The following STK4 variants were observed in gnomAD, a reference collection of about 807,000 sequenced individuals.
STK4 encodes the protein serine/threonine kinase 4, also known as serine/threonine-protein kinase 4.
STK4 carries 30 observed loss-of-function variants against 64.9 expected under a neutral mutation model. The observed-to-expected ratio is 0.46, with a 90% confidence interval of 0.35 to 0.63. The LOEUF (loss-of-function observed/expected upper bound fraction) is 0.63, where lower values mean the gene tolerates loss of function less well. Among genes scored for constraint, STK4 ranks in the 20% least tolerant of loss-of-function variants. The probability of loss-of-function intolerance (pLI) is 0.01; values close to 1 mark genes in which losing one functional copy is unlikely to be tolerated. For synonymous variants in STK4, 177 were observed against 199.0 expected (o/e 0.89, Z 0.93); for missense variants, 466 against 598.5 (o/e 0.78, Z 2.31).
intron 10 of STK4, among the ~76,000 whole-genome samples, chr20:45,072,422 T>C (rs1980148231): frequency 6.6e-6 from 1 of 152,248 alleles, no homozygotes; most frequent in Non-Finnish European, 1.5e-5. Flanking sequence ...CAGCTCCCCT[T>C]CTTTCACACT....
intron 9 of STK4, among the ~76,000 whole-genome samples, chr20:45,005,590 G>A (rs949665772): frequency 1.4e-5 from 2 of 146,296 alleles, no homozygotes; most frequent in Admixed American, 1.4e-4. Context: ...GGAGGTTGCA[G>A]TGAACCGAGA....
intron 10 of STK4, among the ~76,000 whole-genome samples, chr20:45,063,018 T>TTTTTTTTTTC (rs1979225525): frequency 8.4e-6 from 1 of 118,952 alleles, no homozygotes; most frequent in Non-Finnish European, 1.7e-5. Context: ...TTTTTTTTTT[T>TTTTTTTTTTC]TGGACACAGG....
intron 9 of STK4, among the ~76,000 whole-genome samples, chr20:45,012,242 G>C (rs929779679): frequency 2.0e-5 from 3 of 151,952 alleles, no homozygotes; most frequent in African/African-American, 7.3e-5. Context: ...CACTGTTTTG[G>C]CCAGGATGGT....
chr20:45,029,002 C>T (rs922382553), intron 10 of STK4, among the ~76,000 whole-genome samples: 3 of 152,166 alleles, frequency 2.0e-5, no homozygotes, highest in African/African-American at 7.2e-5. Flanking sequence ...AGACTTTCTT[C>T]TAAATCTGAG....
At chr20:45,071,397 A>G (rs926205408) in intron 10 of STK4, among the ~76,000 whole-genome samples, 3 of 152,200 alleles carry the variant, frequency 2.0e-5, no homozygotes, top group Admixed American at 6.5e-5. Flanking sequence ...GCGCCATGAA[A>G]CTATTGTCTG....
chr20:45,013,313 A>G (rs1407581438), intron 9 of STK4, among the ~76,000 whole-genome samples: 1 of 152,040 alleles, frequency 6.6e-6, no homozygotes, highest in Non-Finnish European at 1.5e-5. Flanking sequence ...AAATTCTTTA[A>G]TTAATGTTGT....
chr20:45,002,954 C>G (rs2067867693), intron 9 of STK4, among the ~76,000 whole-genome samples: 1 of 150,220 alleles, frequency 6.7e-6, no homozygotes, highest in African/African-American at 2.5e-5. Flanking sequence ...TGAATTAATT[C>G]AAAGTAAATC....
At position 45,001,190 on chromosome 20, in the gene STK4, C is replaced by A; in HGVS notation, c.984C>A (p.Gly328=). The A allele has an allele frequency of 1.2e-6, 2 of 1,612,834 alleles. No homozygotes were observed. The highest frequency in any genetic ancestry group is 4.5e-5 in the East Asian group (2 of 44,854). The part of the protein sequence containing the change: ...ENSEEDEMDS[G]TMVRAVGDEM... Reference sequence around the variant, plus strand: ...AGGAAGAGGATGAAATGGATTCTGGCACGATGGTTCGAGCAGTGGGTGATG... The same window carrying A: ...AGGAAGAGGATGAAATGGATTCTGGAACGATGGTTCGAGCAGTGGGTGATG... Residue 328 remains glycine, a synonymous_variant, in exon 9 of 11, where the codon GGC becomes GGA. Transcript: ENST00000372806.
intron 3 of STK4, 80 bp downstream of exon 3, chr20:44,978,651 A>C: frequency 1.4e-6 from 2 of 1,422,564 alleles, no homozygotes; most frequent in Non-Finnish European, 1.9e-6. Context: ...ACCTAGAGAC[A>C]CATTTACTTA....
At chr20:45,018,943 G>T (rs1271942760) in intron 9 of STK4, among the ~76,000 whole-genome samples, 2 of 152,012 alleles carry the variant, frequency 1.3e-5, no homozygotes, top group African/African-American at 4.8e-5. Context: ...TGTTGCTCAG[G>T]CTAGTCTCGA....
At chr20:45,053,160 C>A in intron 10 of STK4, 1 of 1,610,928 alleles carries the variant, frequency 6.2e-7, no homozygotes, top group Non-Finnish European at 8.5e-7. Flanking sequence ...TGTGTAGATA[C>A]GCTTTCTGAG....
chr20:45,050,514 C>T (rs1222397564), intron 10 of STK4, among the ~76,000 whole-genome samples: 1 of 152,146 alleles, frequency 6.6e-6, no homozygotes, highest in African/African-American at 2.4e-5. Flanking sequence ...TCAAACTGTT[C>T]ACAAATTTGA....
rs755925460 is a variant in STK4 at position 45,025,124 on chromosome 20, C to A, written c.1299C>A (p.Tyr433Ter). 6.2e-7 allele frequency: 1 copy of A among 1,608,306 alleles called. No homozygotes were observed. The change falls in exon 10 of 11, where the codon TAC becomes TAA. Residue 433 changes from tyrosine (Y) to a stop codon, truncating the protein, a stop_gained. Transcript: ENST00000372806. LOFTEE classifies it high-confidence loss of function. ...SDWKIPQDGD[Y>*]EFLKSWTVED... ...GGAAAATACCACAGGATGGAGACTA[C>A]GAGTTTGTAAGTAGTGTTGGAAGTA...
chr20:45,071,099 G>T (rs750871256), intron 10 of STK4, among the ~76,000 whole-genome samples: 6 of 152,054 alleles, frequency 3.9e-5, no homozygotes, highest in Non-Finnish European at 8.8e-5. Context: ...AGATAATCAG[G>T]GACTGAAATA....
chr20:44,969,425 G>A (rs186699743), intron 1 of STK4, among the ~76,000 whole-genome samples: 118 of 152,328 alleles, frequency 7.7e-4, no homozygotes, highest in African/African-American at 2.6e-3. Flanking sequence ...AGATACAGGT[G>A]TCTTTTCAGA....
At position 44,997,730 on chromosome 20, in the gene STK4, C is replaced by G. The variant is rs111375241; in HGVS notation, c.831+424C>G. Reference sequence around the variant, plus strand: ...AAGTAAAAGAAGTTTAAGACATTCTCTACCTCTAGGGAGGTTTGAATCTAT... The same window carrying G: ...AAGTAAAAGAAGTTTAAGACATTCTGTACCTCTAGGGAGGTTTGAATCTAT... On this transcript the variant is annotated intron_variant, in intron 7 of 10. Transcript: ENST00000372806. Among the ~76,000 whole-genome samples, 4 of 152,278 alleles carry G rather than the reference C, an allele frequency of 2.6e-5. 1 individual carries two copies. The highest frequency in any genetic ancestry group is 1.9e-4 in the East Asian group (1 of 5,182).
chr20:45,001,400 A>G (rs759962842), intron 9 of STK4, 47 bp downstream of exon 9: 4 of 1,555,540 alleles, frequency 2.6e-6, no homozygotes, highest in Non-Finnish European at 3.5e-6. Context: ...AAGCATACAT[A>G]TTTCAGAGAA....
At chr20:45,015,891 TGA>T (rs1163321943) in intron 9 of STK4, among the ~76,000 whole-genome samples, 3 of 152,226 alleles carry the variant, frequency 2.0e-5, no homozygotes, top group African/African-American at 4.8e-5. Context: ...TTTTAATGTA[TGA>T]GAGTGTTTTT....
chr20:45,058,942 G>T (rs1375602212), intron 10 of STK4, among the ~76,000 whole-genome samples: 4 of 152,114 alleles, frequency 2.6e-5, no homozygotes, highest in African/African-American at 9.7e-5. Context: ...CTAACTTCCT[G>T]AAAGTGTTTC....
Sources: allele counts gnomAD v4.1 joint callset (sites outside exome capture counted in the v4.1 genomes callset), GRCh38; gene constraint gnomAD v4.1.1; transcripts MANE v1.5; gene names NCBI Gene and HGNC (gene_info 2026-07-23, HGNC 2026-07-21).